PDS5B: variants seen among roughly 807,000 people sequenced by gnomAD.
The protein encoded by PDS5B is sister chromatid cohesion protein PDS5 homolog B.
In PDS5B, 51 loss-of-function variants were observed where a neutral mutation model predicts 184.1. That is an observed-to-expected ratio of 0.28 (90% confidence interval 0.22 to 0.35). The LOEUF (loss-of-function observed/expected upper bound fraction) is 0.35. Ranked by LOEUF, PDS5B falls within the 10% of genes least tolerant of loss-of-function variation. The pLI is 1.00. For synonymous variants in PDS5B, 566 were observed against 569.2 expected (o/e 0.99, Z 0.08); for missense variants, 1,180 against 1,723.3 (o/e 0.68, Z 5.58).
chr13:32,770,599 C>G (rs1450655080), intron 32 of PDS5B, 39 bp downstream of exon 32: 1 of 1,600,612 alleles, frequency 6.2e-7, no homozygotes, highest in Admixed American at 1.7e-5. Flanking sequence ...TGTTTCGTTA[C>G]TATATTATAA....
chr13:32,734,118 T>G (rs1317121852), intron 20 of PDS5B, among the ~76,000 whole-genome samples: 1 of 151,950 alleles, frequency 6.6e-6, no homozygotes, highest in East Asian at 1.9e-4. Context: ...ACCTCCACCT[T>G]TCTTGTTCAA....
chr13:32,753,463 T>C lies in PDS5B; in HGVS notation c.2868T>C (p.Ala956=), dbSNP rs2140998920. The C allele has an allele frequency of 6.2e-7, 1 of 1,613,886 alleles. No individual in the cohort carries two copies. Among genetic ancestry groups the C allele is most frequent in the East Asian group, 2.2e-5 (1 of 44,864 alleles). ...AAGATCCTGTAAAGGAGAGAAGAGC[T>C]CATGCTAGGCAATGTTTGGTGAAAA... is the stretch of plus-strand genomic sequence containing the variant. ...CAKDPVKERR[A]HARQCLVKNI... The change falls in exon 25 of 35, where the codon GCT becomes GCC. Residue 956 remains alanine (A), a synonymous_variant. Coordinates refer to ENST00000315596, the MANE Select transcript of PDS5B (RefSeq NM_015032.4).
Position 32,586,474 on chromosome 13 carries a change from G to T in PDS5B, c.-139G>T, listed in dbSNP as rs564191420. On this transcript the variant is annotated 5_prime_UTR_variant, in exon 1 of 35. Coordinates refer to ENST00000315596, the MANE Select transcript of PDS5B (RefSeq NM_015032.4). ...GGCGCCATTTTGAAGCGGAGAGGAG[G>T]AGGAACGGCAGGGCTGGCTGCGGAA... 1 of 151,484 alleles carries T rather than the reference G, an allele frequency of 6.6e-6. No homozygotes were observed. Among genetic ancestry groups the T allele is most frequent in the South Asian group, 2.1e-4 (1 of 4,816 alleles). 9.4% of individuals were successfully genotyped at this position (151,484 alleles called of 1,614,324 possible).
At chr13:32,652,600 A>AAT (rs1201481708) in intron 3 of PDS5B, 1 of 140,592 alleles carries the variant, frequency 7.1e-6, no homozygotes, top group Admixed American at 7.2e-5. Flanking sequence ...AAAAAAAAAA[A>AAT]GGAAATTAGC....
intron 25 of PDS5B, among the ~76,000 whole-genome samples, chr13:32,753,920 C>T (rs1485641841): frequency 6.6e-6 from 1 of 152,092 alleles, no homozygotes; most frequent in African/African-American, 2.4e-5. Context: ...CAGGTGTTTG[C>T]GTGCCTACTT....
In PDS5B at chr13:32,673,212, A is replaced by G; in HGVS notation, c.706-4A>G. The G allele has an allele frequency of 1.9e-6, 3 of 1,610,210 alleles. No homozygotes were observed. Among genetic ancestry groups the G allele is most frequent in the South Asian group, 1.1e-5 (1 of 90,278 alleles). On this transcript the variant is annotated splice_polypyrimidine_tract_variant and splice_region_variant and intron_variant, in intron 7 of 34. Transcript: ENST00000315596. ...TAATGATAGGCTTTCTTTCTCCTCA[A>G]AAGTTTTTTAATCAGGTTCTGATGC...
At chr13:32,607,682 C>T (rs985440185) in intron 1 of PDS5B, among the ~76,000 whole-genome samples, 3 of 134,258 alleles carry the variant, frequency 2.2e-5, no homozygotes, top group Admixed American at 1.5e-4. Context: ...GGCAGGCCTC[C>T]TTTAGCTGGG....
chr13:32,673,900 G>T (rs994236884), intron 8 of PDS5B, among the ~76,000 whole-genome samples: 3 of 151,826 alleles, frequency 2.0e-5, no homozygotes, highest in African/African-American at 7.3e-5. Flanking sequence ...ACTGCAACCT[G>T]TGCCTCTCGG....
At chr13:32,632,669 A>G (rs1323360129) in intron 1 of PDS5B, among the ~76,000 whole-genome samples, 1 of 152,262 alleles carries the variant, frequency 6.6e-6, no homozygotes, top group East Asian at 1.9e-4. Context: ...AGATTTGTAC[A>G]GGGACTGAAA....
intron 1 of PDS5B, among the ~76,000 whole-genome samples, chr13:32,587,621 G>A (rs2140450749): frequency 6.6e-6 from 1 of 152,268 alleles, no homozygotes; most frequent in South Asian, 2.1e-4. Context: ...GGAGCTGCAG[G>A]CTGCTGCGTT....
Position 32,773,203 on chromosome 13 carries a change from C to T in PDS5B, c.4187C>T (p.Ser1396Phe), listed in dbSNP as rs969519207. The T allele has an allele frequency of 6.2e-7, 1 of 1,612,014 alleles. No homozygotes were observed. ...QPKKNVRVGR[S>F]KQAATKENDS... Reference sequence around the variant, plus strand: ...TTTTACTCTAGCCGTGTAGGACGCTCCAAACAAGCAGCTACTAAGGAAAAT... The same window carrying T: ...TTTTACTCTAGCCGTGTAGGACGCTTCAAACAAGCAGCTACTAAGGAAAAT... The change falls in exon 34 of 35, where the codon TCC (serine) becomes TTC (phenylalanine). Residue 1396 changes from serine (S) to phenylalanine (F), a missense_variant. By Grantham distance (155) the Ser-to-Phe change is radical. This residue lies in a region of PDS5B where 465 missense variants were observed against 497.8 expected (regional missense o/e 0.93). Transcript: ENST00000315596.
At chr13:32,708,222 C>T (rs1403304798) in intron 18 of PDS5B, among the ~76,000 whole-genome samples, 2 of 152,262 alleles carry the variant, frequency 1.3e-5, no homozygotes, top group Non-Finnish European at 2.9e-5. Context: ...GTAACACCTC[C>T]GGAGCAGTAA....
intron 25 of PDS5B, among the ~76,000 whole-genome samples, chr13:32,755,200 C>G (rs1954131341): frequency 6.6e-6 from 1 of 152,166 alleles, no homozygotes; most frequent in African/African-American, 2.4e-5. Flanking sequence ...GAGTCCCAGT[C>G]TATGTGTACC....
At chr13:32,591,759 CAT>C (rs1393442309) in intron 1 of PDS5B, among the ~76,000 whole-genome samples, 1 of 152,158 alleles carries the variant, frequency 6.6e-6, no homozygotes, top group African/African-American at 2.4e-5. Context: ...CCATTTGCAA[CAT>C]ATTCTTTAAT....
At position 32,628,577 on chromosome 13, in the gene PDS5B, A is replaced by G. The variant is rs558701097; in HGVS notation, c.-19-20177A>G. 4.0e-5 allele frequency among the ~76,000 whole-genome samples: 6 copies of G among 149,762 alleles called. No individual in the cohort carries two copies. The East Asian group carries it at 1.2e-3, about 29-fold the overall frequency. On this transcript the variant is annotated intron_variant, in intron 1 of 34. Transcript: ENST00000315596. ...GAAAAAAAAAAAAAAATTATGCTCT[A>G]TACTTCCCATTAATTTAATTATGTA...
At chr13:32,760,353 G>A (rs80052798) in intron 29 of PDS5B, among the ~76,000 whole-genome samples, 1,832 of 152,200 alleles carry the variant, frequency 0.012, 16 homozygotes, top group Non-Finnish European at 0.017. Flanking sequence ...TATGTAAGCC[G>A]TTTTCTCCAG....
chr13:32,648,593 G>A (rs1198306038), intron 1 of PDS5B, among the ~76,000 whole-genome samples, 161 bp from the exon 2 acceptor site: 1 of 152,034 alleles, frequency 6.6e-6, no homozygotes, highest in Admixed American at 6.6e-5. Flanking sequence ...AATAATTTGG[G>A]GAAATGTTCA....
At chr13:32,766,645 A>G (rs1954596356) in intron 31 of PDS5B, among the ~76,000 whole-genome samples, 1 of 152,184 alleles carries the variant, frequency 6.6e-6, no homozygotes, top group Non-Finnish European at 1.5e-5. Context: ...ACAGCAAAGG[A>G]ATTATTTTCC....
chr13:32,764,215 G>T (rs1363543672), intron 30 of PDS5B, among the ~76,000 whole-genome samples: 1 of 151,982 alleles, frequency 6.6e-6, no homozygotes, highest in Non-Finnish European at 1.5e-5. Flanking sequence ...AGTTTTAATT[G>T]GTTCTATGAT....
Sources: allele counts gnomAD v4.1 joint callset (sites outside exome capture counted in the v4.1 genomes callset), GRCh38; gene constraint gnomAD v4.1.1; regional missense constraint gnomAD v4.1.1; transcripts MANE v1.5; gene names NCBI Gene and HGNC (gene_info 2026-07-23, HGNC 2026-07-21).